The following FGF12 variants were observed in gnomAD, a reference collection of about 807,000 sequenced individuals.
FGF12 encodes the protein fibroblast growth factor 12, also known as fibroblast growth factor 12B.
In FGF12, 14 loss-of-function variants were observed where a neutral mutation model predicts 23.6. The observed-to-expected ratio is 0.59, with a 90% confidence interval of 0.39 to 0.93. FGF12 has a LOEUF of 0.93. Among genes scored for constraint, FGF12 ranks in the 40% least tolerant of loss-of-function variants. The pLI, the probability that FGF12 is intolerant of heterozygous loss-of-function variation, is 0.00. For synonymous variants in FGF12, 62 were observed against 77.3 expected, an observed-to-expected ratio of 0.80 and a Z score of 1.04; for missense variants, 175 against 217.8, an observed-to-expected ratio of 0.80 and a Z score of 1.24.
chr3:192,415,252 A>C (rs926599519), intron 2 of FGF12, among the ~76,000 whole-genome samples: 1 of 152,050 alleles, frequency 6.6e-6, no homozygotes, highest in African/African-American at 2.4e-5. Context: ...TCTAAGTCCC[A>C]CTGTCACTAA....
intron 2 of FGF12, among the ~76,000 whole-genome samples, chr3:192,489,684 T>G (rs1723742246): frequency 6.6e-6 from 1 of 152,018 alleles, no homozygotes; most frequent in Admixed American, 6.6e-5. Flanking sequence ...TTTGCTGCTT[T>G]GAATTTAGGC....
intron 2 of FGF12, among the ~76,000 whole-genome samples, chr3:192,571,327 C>A (rs1221197380): frequency 1.3e-5 from 2 of 152,058 alleles, no homozygotes; most frequent in Non-Finnish European, 2.9e-5. Flanking sequence ...AACAAACAAA[C>A]AAAAAAACCA....
At chr3:192,205,146 G>T (rs991936370) in intron 4 of FGF12, among the ~76,000 whole-genome samples, 1 of 152,052 alleles carries the variant, frequency 6.6e-6, no homozygotes, top group Admixed American at 6.6e-5. Context: ...GAAAAAAAAA[G>T]ATTAATCTAA....
At chr3:192,430,045 C>T (rs934606320) in intron 2 of FGF12, among the ~76,000 whole-genome samples, 2 of 152,022 alleles carry the variant, frequency 1.3e-5, no homozygotes, top group Admixed American at 1.3e-4. Context: ...ATTATAATTA[C>T]CTTAAGAATT....
intron 4 of FGF12, chr3:192,283,151 A>C (rs1023121261): frequency 1.3e-5 from 2 of 152,166 alleles, no homozygotes; most frequent in Non-Finnish European, 2.9e-5. Flanking sequence ...TGAATGGCAT[A>C]ACACATATTT....
chr3:192,683,523 G>C (rs1252231966), intron 2 of FGF12, among the ~76,000 whole-genome samples: 1 of 152,086 alleles, frequency 6.6e-6, no homozygotes, highest in East Asian at 1.9e-4. Context: ...ATAAAAAATT[G>C]TTTCAAGATG....
At chr3:192,416,950 A>G (rs1721376972) in intron 2 of FGF12, among the ~76,000 whole-genome samples, 1 of 152,132 alleles carries the variant, frequency 6.6e-6, no homozygotes, top group South Asian at 2.1e-4. Flanking sequence ...TTTAAACAGT[A>G]TTTGCAGCAG....
chr3:192,526,062 G>A (rs747276531), intron 2 of FGF12, among the ~76,000 whole-genome samples: 12 of 152,146 alleles, frequency 7.9e-5, no homozygotes, highest in East Asian at 3.9e-4. Context: ...ATGAGCCACC[G>A]CGCCTGGCCT....
chr3:192,583,833 T>G (rs2108616318), intron 2 of FGF12, among the ~76,000 whole-genome samples: 1 of 152,344 alleles, frequency 6.6e-6, no homozygotes, highest in African/African-American at 2.4e-5. Flanking sequence ...AAAGGGCTGC[T>G]TCTGAAATGA....
rs941584182 is a variant in FGF12, at chr3:192,143,394, A to G, written c.*615T>C. 3.9e-5 allele frequency: 6 copies of G among 152,128 alleles called. No individual in the cohort carries two copies. Among genetic ancestry groups the G allele is most frequent in the Non-Finnish European group, 8.8e-5 (6 of 67,998 alleles). 9.4% of individuals were successfully genotyped at this position (152,128 alleles called of 1,614,324 possible). A position where few individuals can be genotyped will look rare whatever the true frequency, so the allele number is the denominator to read the frequency against. ...TAAAACAATCTTAAATTACATCTCA[A>G]AAATAATTTCTTACACTTTTCTTGA... On this transcript the variant is annotated 3_prime_UTR_variant, in exon 6 of 6. Coordinates refer to ENST00000445105, the MANE Select transcript of FGF12 (RefSeq NM_004113.6).
At chr3:192,708,830 G>T (rs559513835) in intron 2 of FGF12, among the ~76,000 whole-genome samples, 17 of 152,272 alleles carry the variant, frequency 1.1e-4, no homozygotes, top group African/African-American at 3.6e-4. Flanking sequence ...ACTTTGGGAA[G>T]ATATTATAAT....
At chr3:192,540,101 T>G (rs1156302077) in intron 2 of FGF12, among the ~76,000 whole-genome samples, 2 of 152,028 alleles carry the variant, frequency 1.3e-5, no homozygotes, top group African/African-American at 2.4e-5. Flanking sequence ...CAATATTTTC[T>G]TTCACTGATT....
At chr3:192,571,081 G>GGGC (rs1712612249) in intron 2 of FGF12, among the ~76,000 whole-genome samples, 1 of 152,008 alleles carries the variant, frequency 6.6e-6, no homozygotes, top group South Asian at 2.1e-4. Context: ...ATTGGTGTTG[G>GGGC]GGGGAAAAAA....
At chr3:192,383,791 C>G (rs895474137) in intron 2 of FGF12, among the ~76,000 whole-genome samples, 14 of 152,002 alleles carry the variant, frequency 9.2e-5, no homozygotes, top group African/African-American at 3.4e-4. Flanking sequence ...AGAAAGAAAC[C>G]TACAAATTAG....
In FGF12 at chr3:192,585,613, A is replaced by T. The variant is rs970918207; in HGVS notation, c.13+141568T>A. Among the ~76,000 whole-genome samples, 4 of 151,856 alleles carry T rather than the reference A, an allele frequency of 2.6e-5. No individual in the cohort carries two copies. In the South Asian group the frequency reaches 8.3e-4, roughly 32 times the overall value. On this transcript the variant is annotated intron_variant, in intron 2 of 5. Coordinates refer to ENST00000445105, the MANE Select transcript of FGF12 (RefSeq NM_004113.6). ...AGAACTCTGGGGACTCCAGGACCCAATTTTTTTCTCCCCACTTACTGAGGA... is the reference window on the plus strand; with the variant it reads ...AGAACTCTGGGGACTCCAGGACCCATTTTTTTTCTCCCCACTTACTGAGGA...
chr3:192,718,939 C>T (rs966762857), intron 2 of FGF12, among the ~76,000 whole-genome samples: 1 of 150,416 alleles, frequency 6.6e-6, no homozygotes, highest in African/African-American at 2.5e-5. Context: ...CTTAAAATAA[C>T]AATTTCTTTG....
intron 4 of FGF12, among the ~76,000 whole-genome samples, chr3:192,247,048 G>GGAAA (rs1711651873): frequency 1.8e-5 from 1 of 55,388 alleles, no homozygotes; most frequent in Admixed American, 1.9e-4. Flanking sequence ...AAGGAAGGAA[G>GGAAA]GAAGGAAGGA....
At chr3:192,649,066 G>A (rs896345583) in intron 2 of FGF12, among the ~76,000 whole-genome samples, 3 of 152,168 alleles carry the variant, frequency 2.0e-5, no homozygotes, top group African/African-American at 7.2e-5. Flanking sequence ...CAAGCAGGGT[G>A]TCAAAAGTTG....
chr3:192,384,863 T>C (rs781440327), intron 2 of FGF12, among the ~76,000 whole-genome samples: 2 of 152,052 alleles, frequency 1.3e-5, no homozygotes, highest in Non-Finnish European at 2.9e-5. Context: ...ATTCCTTAGG[T>C]AGAGAGAGGG....
Sources: gnomAD v4.1 joint callset for allele counts (sites outside exome capture counted in the v4.1 genomes callset) on GRCh38, gnomAD v4.1.1 for gene constraint, MANE v1.5 for transcripts, NCBI Gene and HGNC (gene_info 2026-07-23, HGNC 2026-07-21) for gene names.